Variants in PRDM6 observed in about 807,000 individuals in gnomAD.
PRDM6 encodes PR/SET domain 6.
In PRDM6, 25 loss-of-function variants were observed where a neutral mutation model predicts 60.8. That is an observed-to-expected ratio of 0.41 (90% CI 0.30 to 0.57). PRDM6 has a LOEUF of 0.57. Among genes scored for constraint, PRDM6 ranks in the 20% least tolerant of loss-of-function variants. The probability of loss-of-function intolerance (pLI) is 0.27; values close to 1 mark genes in which losing one functional copy is unlikely to be tolerated. For synonymous variants in PRDM6, 407 were observed against 357.4 expected (o/e 1.14, Z -1.57); for missense variants, 839 against 821.3 (o/e 1.02, Z -0.26).
At chr5:123,106,746 G>A (rs764641494) in intron 3 of PRDM6, among the ~76,000 whole-genome samples, 3 of 152,170 alleles carry the variant, frequency 2.0e-5, no homozygotes, top group Non-Finnish European at 4.4e-5. Flanking sequence ...ATGACAGCCT[G>A]GACAACAATT....
At chr5:123,100,138 G>C (rs1467829274) in intron 3 of PRDM6, among the ~76,000 whole-genome samples, 177 bp downstream of exon 3, 2 of 152,226 alleles carry the variant, frequency 1.3e-5, no homozygotes, top group Non-Finnish European at 2.9e-5. Flanking sequence ...GGTGTCTGAA[G>C]CACCTGCAGT....
intron 3 of PRDM6, among the ~76,000 whole-genome samples, chr5:123,114,688 A>T (rs1764393791): frequency 6.6e-6 from 1 of 152,240 alleles, no homozygotes; most frequent in African/African-American, 2.4e-5. Flanking sequence ...CAGACACCTG[A>T]TAGAAAAATG....
intron 6 of PRDM6, among the ~76,000 whole-genome samples, chr5:123,172,909 G>C (rs1765925707): frequency 6.6e-6 from 1 of 152,074 alleles, no homozygotes; most frequent in Admixed American, 6.6e-5. Flanking sequence ...CATATGTGTG[G>C]GGCCGGGCGC....
At position 123,094,952 on chromosome 5, in the gene PRDM6, G is replaced by A. The variant is rs750267224; in HGVS notation, c.592+4346G>A. On this transcript the variant is annotated intron_variant, in intron 2 of 7. Coordinates refer to ENST00000407847, the MANE Select transcript of PRDM6 (RefSeq NM_001136239.4). ...TTTGTCTCTCCCTCTTGGTCCCAGGGTCAAGCCCGCAGCCAGGCAGGGCAG... is the reference window on the plus strand; with the variant it reads ...TTTGTCTCTCCCTCTTGGTCCCAGGATCAAGCCCGCAGCCAGGCAGGGCAG... 4.7e-4 allele frequency among the ~76,000 whole-genome samples: 71 copies of A among 152,330 alleles called. No homozygotes were observed. In the Middle Eastern group the frequency reaches 0.014, roughly 29 times the overall value.
intron 5 of PRDM6, among the ~76,000 whole-genome samples, chr5:123,160,223 C>T (rs557470860): frequency 1.3e-5 from 2 of 152,288 alleles, no homozygotes; most frequent in African/African-American, 4.8e-5. Context: ...GTAATTTTCT[C>T]CTATCTTTAT....
intron 3 of PRDM6, among the ~76,000 whole-genome samples, chr5:123,129,244 C>T (rs1056758726): frequency 3.3e-5 from 5 of 152,182 alleles, no homozygotes; most frequent in South Asian, 2.1e-4. Context: ...CTTGGCAATG[C>T]GGGCTCTTTT....
chr5:123,159,390 A>G (rs1425950435), intron 4 of PRDM6, 124 bp from the exon 5 acceptor site: 2 of 1,103,904 alleles, frequency 1.8e-6, no homozygotes, highest in South Asian at 1.7e-5. Context: ...TTGGATGTAA[A>G]TTTATTACAA....
intron 3 of PRDM6, among the ~76,000 whole-genome samples, chr5:123,127,715 TCTTTCTTTC>T (rs1764724917): frequency 1.3e-5 from 2 of 150,780 alleles, no homozygotes; most frequent in Admixed American, 1.3e-4. Context: ...TCTTTCTCTT[TCTTTCTTTC>T]TTTCTTTCCT....
At chr5:123,122,118 C>CCACCATTG (rs1047638396) in intron 3 of PRDM6, among the ~76,000 whole-genome samples, 12 of 132,416 alleles carry the variant, frequency 9.1e-5, no homozygotes, top group Admixed American at 8.8e-4. Context: ...AGCCGAGATC[C>CCACCATTG]CACCATTGCA....
chr5:123,159,453 A>T, intron 4 of PRDM6, 61 bp from the exon 5 acceptor site: 1 of 1,515,034 alleles, frequency 6.6e-7, no homozygotes, highest in Admixed American at 2.3e-5. Context: ...CAATAAAAAT[A>T]TGGATGGGGG....
chr5:123,152,441 A>T (rs963478266), intron 3 of PRDM6, among the ~76,000 whole-genome samples: 17 of 152,160 alleles, frequency 1.1e-4, no homozygotes, highest in African/African-American at 3.1e-4. Context: ...AATTAAAAAA[A>T]TTTTTAAACA....
rs888408772 is a variant in PRDM6, at chr5:123,190,855, A to G, written c.*3654A>G. On this transcript the variant is annotated 3_prime_UTR_variant, in exon 8 of 8. Coordinates refer to ENST00000407847, the MANE Select transcript of PRDM6 (RefSeq NM_001136239.4). ...ATGATAAAATAATATTCTCCTCCTA[A>G]GTGGCTGCTAGTAAAATGGGTATTT... The G allele has an allele frequency of 1.3e-5, 2 of 152,218 alleles. No individual in the cohort carries two copies. The highest frequency in any genetic ancestry group is 2.9e-5 in the Non-Finnish European group (2 of 68,044). The allele number at this position is 152,218 out of a possible 1,614,324, so 9.4% of individuals were successfully genotyped here.
In PRDM6 at chr5:123,194,179, T is replaced by C. The variant is rs560314794; in HGVS notation, c.*6978T>C. ...GAATCTACCAGGATTAAGTTGTATTTAAATGAAAAAACAGGTACACATTTA... is the reference window on the plus strand; with the variant it reads ...GAATCTACCAGGATTAAGTTGTATTCAAATGAAAAAACAGGTACACATTTA... On this transcript the variant is annotated 3_prime_UTR_variant, in exon 8 of 8. Coordinates refer to ENST00000407847, the MANE Select transcript of PRDM6 (RefSeq NM_001136239.4). The C allele has an allele frequency of 6.6e-6, 1 of 152,312 alleles. No homozygotes were observed. Among genetic ancestry groups the C allele is most frequent in the South Asian group, 2.1e-4 (1 of 4,828 alleles). The allele number at this position is 152,312 out of a possible 1,614,324, so 9.4% of individuals were successfully genotyped here.
At chr5:123,110,292 A>C (rs1359428734) in intron 3 of PRDM6, among the ~76,000 whole-genome samples, 1 of 81,242 alleles carries the variant, frequency 1.2e-5, no homozygotes, top group African/African-American at 4.9e-5. Flanking sequence ...TTTTTTTTTG[A>C]GATGGAGTCT....
rs1580524628 is a variant in PRDM6 at position 123,156,023 on chromosome 5, C to A, written c.1028+12C>A. The stretch of plus-strand genomic sequence containing the variant: ...GTAGTTCAGTACAGGTAAAGTATAT[C>A]TTGATTTACCACCTACAGAGCTGAA... On this transcript the variant is annotated intron_variant, in intron 4 of 7. Transcript: ENST00000407847. 3.2e-6 allele frequency: 5 copies of A among 1,547,334 alleles called. No homozygotes were observed. Among genetic ancestry groups the A allele is most frequent in the Non-Finnish European group, 4.4e-6 (5 of 1,144,980 alleles).
In PRDM6 at chr5:123,159,639, G is replaced by C; in HGVS notation, c.1153+1G>C. The C allele has an allele frequency of 6.4e-7, 1 of 1,550,572 alleles. No individual in the cohort carries two copies. The highest frequency in any genetic ancestry group is 8.7e-7 in the Non-Finnish European group (1 of 1,146,452). On this transcript the variant is annotated splice_donor_variant, in intron 5 of 7. Transcript: ENST00000407847. LOFTEE classifies it high-confidence loss of function. The stretch of plus-strand genomic sequence containing the variant: ...CAATGCATTGCCCAGGATGAAAACT[G>C]TAAGAATTTATTTTAGCTCTGAATT...
At chr5:123,114,120 G>A (rs1458360852) in intron 3 of PRDM6, among the ~76,000 whole-genome samples, 2 of 152,170 alleles carry the variant, frequency 1.3e-5, no homozygotes, top group African/African-American at 4.8e-5. Flanking sequence ...GAAGGAGGGA[G>A]AGTTTGACCT....
chr5:123,165,314 C>T (rs1765729094), intron 5 of PRDM6, among the ~76,000 whole-genome samples: 3 of 152,222 alleles, frequency 2.0e-5, no homozygotes, highest in South Asian at 4.1e-4. Flanking sequence ...CACTCCCAAT[C>T]ATCCAATTGC....
intron 2 of PRDM6, among the ~76,000 whole-genome samples, chr5:123,093,198 C>G (rs1322716898): frequency 2.0e-5 from 3 of 152,182 alleles, no homozygotes; most frequent in Non-Finnish European, 2.9e-5. Flanking sequence ...CATTTTGTCA[C>G]TTCGTACTTA....
Sources: gnomAD v4.1 joint callset for allele counts (sites outside exome capture counted in the v4.1 genomes callset) on GRCh38, gnomAD v4.1.1 for gene constraint, MANE v1.5 for transcripts, NCBI Gene and HGNC (gene_info 2026-07-23, HGNC 2026-07-21) for gene names.